Variants in GNA13 observed in about 807,000 individuals in gnomAD.
GNA13 encodes G protein subunit alpha 13.
A neutral mutation model predicts 33.5 loss-of-function variants in GNA13; 4 were observed. The observed-to-expected ratio is 0.12, with a 90% CI of 0.06 to 0.27. GNA13 has a LOEUF of 0.27. Among genes scored for constraint, GNA13 ranks in the 10% least tolerant of loss-of-function variants. The pLI is 1.00. For missense variants in GNA13, 319 were observed against 487.2 expected, an observed-to-expected ratio of 0.65 and a Z score of 3.25; for synonymous variants, 176 against 183.8, an observed-to-expected ratio of 0.96 and a Z score of 0.34.
intron 2 of GNA13, among the ~76,000 whole-genome samples, chr17:65,031,896 A>AGAGAGAGAGAG (rs1907040820): frequency 4.2e-5 from 3 of 71,336 alleles, no homozygotes; most frequent in Admixed American, 2.1e-4. Flanking sequence ...GAGAGAGAGA[A>AGAGAGAGAGAG]AGAGAGAGAG....
At position 65,012,122 on chromosome 17, in the gene GNA13, C is replaced by T. The variant is rs1473439584; in HGVS notation, c.*2135G>A. On this transcript the variant is annotated 3_prime_UTR_variant, in exon 4 of 4. Transcript: ENST00000439174. ...ACATGATATCTATTTGGTGTTTCAA[C>T]ACTTCTTGGTGGTAATTCAAAAGGG... The T allele has an allele frequency of 8.9e-6, 2 of 225,708 alleles. No individual in the cohort carries two copies. Among genetic ancestry groups the T allele is most frequent in the Admixed American group, 5.7e-5 (1 of 17,546 alleles). The allele number at this position is 225,708 out of a possible 1,614,324, so 14.0% of individuals were successfully genotyped here.
chr17:65,052,571 G>A (rs1266364394), intron 2 of GNA13, among the ~76,000 whole-genome samples: 1 of 152,178 alleles, frequency 6.6e-6, no homozygotes, highest in African/African-American at 2.4e-5. Flanking sequence ...GAATCTTTCT[G>A]ATCTTTGGCA....
In GNA13 at chr17:65,056,480, C is replaced by G. The variant is rs778611171; in HGVS notation, c.114G>C (p.Leu38=). The change falls in exon 1 of 4, where the codon CTG becomes CTC. Residue 38 remains leucine (L), a synonymous_variant. Transcript: ENST00000439174. The part of the protein sequence containing the change: ...QRKSKEIDKC[L]SREKTYVKRL... ...GCTTCACATAGGTCTTTTCCCGAGA[C>G]AGGCATTTGTCGATCTCCTTGGACT... 1 of 1,613,854 alleles carries G rather than the reference C, an allele frequency of 6.2e-7. No individual in the cohort carries two copies. Among genetic ancestry groups the G allele is most frequent in the Non-Finnish European group, 8.5e-7 (1 of 1,179,914 alleles).
chr17:65,025,932 G>C (rs1485711450), intron 2 of GNA13, among the ~76,000 whole-genome samples: 1 of 151,882 alleles, frequency 6.6e-6, no homozygotes, highest in African/African-American at 2.4e-5. Context: ...ACTGCAGTGA[G>C]CCACGACTAA....
In GNA13 at chr17:65,011,690, T is replaced by C. The variant is rs555050922; in HGVS notation, c.*2567A>G. On this transcript the variant is annotated 3_prime_UTR_variant, in exon 4 of 4. Coordinates refer to ENST00000439174, the MANE Select transcript of GNA13 (RefSeq NM_006572.6). Reference sequence around the variant, plus strand: ...GAATGTAACACAGGATTAGGCACATTTTATTCCAAATCATAACCATAAAGA... The same window carrying C: ...GAATGTAACACAGGATTAGGCACATCTTATTCCAAATCATAACCATAAAGA... The C allele has an allele frequency of 1.3e-5, 3 of 226,836 alleles. No individual in the cohort carries two copies. Among genetic ancestry groups the C allele is most frequent in the South Asian group, 1.8e-4 (1 of 5,482 alleles). The allele number at this position is 226,836 out of a possible 1,614,324, so 14.1% of individuals were successfully genotyped here. A position where few individuals can be genotyped will look rare whatever the true frequency, so the allele number is the denominator to read the frequency against.
chr17:65,049,951 C>T (rs182099275), intron 2 of GNA13, among the ~76,000 whole-genome samples: 12 of 152,188 alleles, frequency 7.9e-5, no homozygotes, highest in East Asian at 3.9e-4. Context: ...AGAGGGACTA[C>T]GCATGATGAG....
chr17:65,045,025 A>G (rs1416438557), intron 2 of GNA13, among the ~76,000 whole-genome samples: 5 of 151,066 alleles, frequency 3.3e-5, no homozygotes, highest in African/African-American at 1.2e-4. Context: ...CGTGGGCAAC[A>G]AAGTGAGACT....
chr17:65,051,351 C>G (rs1907851287), intron 2 of GNA13, among the ~76,000 whole-genome samples: 1 of 152,166 alleles, frequency 6.6e-6, no homozygotes, highest in East Asian at 1.9e-4. Flanking sequence ...CACAGTGGCT[C>G]ATGCCTGTAA....
intron 2 of GNA13, among the ~76,000 whole-genome samples, chr17:65,031,921 A>AGAGG: frequency 1.1e-5 from 1 of 91,624 alleles, no homozygotes; most frequent in East Asian, 2.4e-4. Flanking sequence ...AGAGAGAGAG[A>AGAGG]GTGTGTGTGT....
At chr17:65,029,641 ACTT>A (rs1392310248) in intron 2 of GNA13, among the ~76,000 whole-genome samples, 2 of 152,048 alleles carry the variant, frequency 1.3e-5, no homozygotes, top group East Asian at 3.8e-4. Flanking sequence ...CACTCATGGC[ACTT>A]CTTTATTTTT....
intron 1 of GNA13, among the ~76,000 whole-genome samples, chr17:65,055,258 G>T (rs1908002510): frequency 6.6e-6 from 1 of 152,090 alleles, no homozygotes; most frequent in African/African-American, 2.4e-5. Context: ...TACTTGACAC[G>T]CAGAAACGAG....
chr17:65,025,583 G>A (rs1233927353), intron 2 of GNA13, among the ~76,000 whole-genome samples: 1 of 152,148 alleles, frequency 6.6e-6, no homozygotes, highest in Non-Finnish European at 1.5e-5. Flanking sequence ...AGGACTCTAA[G>A]GAACTTGAAA....
rs1906140283 is a variant in GNA13 at position 65,010,249 on chromosome 17, C to A, written c.*4008G>T. Among the ~76,000 whole-genome samples the A allele has an allele frequency of 6.6e-6, 1 of 152,030 alleles. No individual in the cohort carries two copies. The highest frequency in any genetic ancestry group is 1.5e-5 in the Non-Finnish European group (1 of 68,000). ...GTACTCCAAATGATGTTGTTAATCA[C>A]CTACCAGCCTAAGACTAGTATCTAC... On this transcript the variant is annotated 3_prime_UTR_variant, in exon 4 of 4. Coordinates refer to ENST00000439174, the MANE Select transcript of GNA13 (RefSeq NM_006572.6).
rs544097821 is a variant in GNA13, at chr17:65,009,336, C to A, written c.*4921G>T. ...TTAAATGTCAGTAATTTTTACAAAG[C>A]AAATATTAATAGCAAGAGGCAAATG... is the stretch of plus-strand genomic sequence containing the variant. On this transcript the variant is annotated 3_prime_UTR_variant, in exon 4 of 4. Transcript: ENST00000439174. Among the ~76,000 whole-genome samples the A allele has an allele frequency of 2.6e-5, 4 of 152,220 alleles. No individual in the cohort carries two copies. Among genetic ancestry groups the A allele is most frequent in the African/African-American group, 9.6e-5 (4 of 41,548 alleles).
chr17:65,052,708 G>A (rs983604973), intron 2 of GNA13, among the ~76,000 whole-genome samples: 3 of 152,182 alleles, frequency 2.0e-5, no homozygotes, highest in Non-Finnish European at 2.9e-5. Context: ...TCAATGCTGT[G>A]TAACAGCTAC....
rs761611630 is a variant in GNA13, at chr17:65,056,617, G to C, written c.-24C>G. 16 of 1,551,818 alleles carry C rather than the reference G, an allele frequency of 1.0e-5. No individual in the cohort carries two copies. The highest frequency in any genetic ancestry group is 1.3e-5 in the African/African-American group (1 of 74,382). ...ATCTTGCCGCCGCCGCCGCCGCCTC[G>C]GCGGGCCCCTCCGGCTCCCTCCACC... On this transcript the variant is annotated 5_prime_UTR_variant, in exon 1 of 4. Transcript: ENST00000439174.
intron 2 of GNA13, among the ~76,000 whole-genome samples, chr17:65,039,760 A>G (rs1477378682): frequency 6.6e-6 from 1 of 152,236 alleles, no homozygotes; most frequent in Non-Finnish European, 1.5e-5. Flanking sequence ...TACTCTGACT[A>G]GCATCTAACG....
At position 65,034,333 on chromosome 17, in the gene GNA13, A is replaced by T. The variant is rs534182994; in HGVS notation, c.511-16030T>A. Among the ~76,000 whole-genome samples the T allele has an allele frequency of 6.6e-5, 10 of 151,906 alleles. No homozygotes were observed. The South Asian group carries it at 1.2e-3, about 19-fold the overall frequency. ...AATTAATAAATTCCTCTTTATATCAAGTTTTTGTGTTGGCCTTATCACCAA... is the reference window on the plus strand; with the variant it reads ...AATTAATAAATTCCTCTTTATATCATGTTTTTGTGTTGGCCTTATCACCAA... On this transcript the variant is annotated intron_variant, in intron 2 of 3. Coordinates refer to ENST00000439174, the MANE Select transcript of GNA13 (RefSeq NM_006572.6).
intron 2 of GNA13, among the ~76,000 whole-genome samples, chr17:65,036,260 T>C (rs934801272): frequency 2.0e-5 from 3 of 152,212 alleles, no homozygotes; most frequent in Non-Finnish European, 2.9e-5. Flanking sequence ...ATGTGAAAAT[T>C]AGCTCAAAAT....
Sources: gnomAD v4.1 joint callset for allele counts (sites outside exome capture counted in the v4.1 genomes callset) on GRCh38, gnomAD v4.1.1 for gene constraint, MANE v1.5 for transcripts, NCBI Gene and HGNC (gene_info 2026-07-23, HGNC 2026-07-21) for gene names.